The following APTX variants were observed in gnomAD, a reference collection of about 807,000 sequenced individuals.
The protein encoded by APTX is aprataxin.
A neutral mutation model predicts 42.3 loss-of-function variants in APTX; 33 were observed. The observed-to-expected ratio is 0.78, with a 90% confidence interval of 0.59 to 1.04. The LOEUF (loss-of-function observed/expected upper bound fraction) is 1.04. Ranked by LOEUF, APTX falls within the 50% of genes least tolerant of loss-of-function variation. APTX has a pLI of 0.00. For synonymous variants in APTX, 130 were observed against 146.7 expected, an observed-to-expected ratio of 0.89 and a Z score of 0.82; for missense variants, 421 against 415.1, an observed-to-expected ratio of 1.01 and a Z score of -0.12.
chr9:32,983,421 G>T (rs989684857), intron 6 of APTX, among the ~76,000 whole-genome samples: 1 of 152,178 alleles, frequency 6.6e-6, no homozygotes, highest in South Asian at 2.1e-4. Flanking sequence ...GACATCTTCT[G>T]TATCTTAATC....
intron 3 of APTX, 65 bp from the exon 4 acceptor site, chr9:32,987,911 C>T: frequency 6.3e-7 from 1 of 1,576,580 alleles, no homozygotes; most frequent in Non-Finnish European, 8.7e-7. Context: ...AAGATAGCCA[C>T]TGCTATGTTA....
Position 32,987,897 on chromosome 9 carries a change from C to T in APTX, c.181-51G>A, listed in dbSNP as rs751330784. 4.9e-5 allele frequency: 78 copies of T among 1,598,794 alleles called. 1 individual carries two copies. Among genetic ancestry groups the T allele is most frequent in the Non-Finnish European group, 6.2e-5 (73 of 1,170,436 alleles). On this transcript the variant is annotated intron_variant, in intron 3 of 7. Transcript: ENST00000379817. ...ATTATAATAATAGCAACAGCACCTACAGTAAGATAGCCACTGCTATGTTAA... is the reference window on the plus strand; with the variant it reads ...ATTATAATAATAGCAACAGCACCTATAGTAAGATAGCCACTGCTATGTTAA...
chr9:33,021,415 T>C (rs1430851006), intron 1 of APTX, among the ~76,000 whole-genome samples: 1 of 152,144 alleles, frequency 6.6e-6, no homozygotes, highest in Non-Finnish European at 1.5e-5. Context: ...GCCAGAAATA[T>C]TCCTAAGTTC....
Position 32,989,765 on chromosome 9 carries a change from G to C in APTX, c.127C>G (p.Gln43Glu). The C allele has an allele frequency of 1.2e-6, 2 of 1,614,208 alleles. No homozygotes were observed. The highest frequency in any genetic ancestry group is 3.3e-5 in the Admixed American group (2 of 60,028). Reference protein sequence around the residue: ...TKITDKKCSRQQVQLKAECNK... With the variant: ...TKITDKKCSREQVQLKAECNK... ...CATTTCTATGACCAGTTACCTTGCTGTCGAGAACATTTCTTATCAGTGATC... is the reference window on the plus strand; with the variant it reads ...CATTTCTATGACCAGTTACCTTGCTCTCGAGAACATTTCTTATCAGTGATC... Residue 43 changes from glutamine to glutamate, a missense_variant, in exon 2 of 8, where the codon CAG becomes GAG. By Grantham distance (29) the Gln-to-Glu change is conservative. Transcript: ENST00000379817.
intron 5 of APTX, among the ~76,000 whole-genome samples, chr9:32,985,766 T>C (rs1161993046): frequency 6.6e-6 from 1 of 152,158 alleles, no homozygotes; most frequent in South Asian, 2.1e-4. Flanking sequence ...GGATATTCAT[T>C]TGAAGAACTC....
rs375722171 is a variant in APTX at position 33,001,615 on chromosome 9, C to T, written c.-53G>A. 2 of 1,613,860 alleles carry T rather than the reference C, an allele frequency of 1.2e-6. No homozygotes were observed. The highest frequency in any genetic ancestry group is 1.7e-5 in the Admixed American group (1 of 60,010). ...ATTCACGTTACTCATCTGTGCCTCA[C>T]CGCTTCCGGCGCTGCGGGATGACGT... On this transcript the variant is annotated 5_prime_UTR_variant, in exon 1 of 8. In the 5' UTR this introduces an upstream ATG that the reference lacks. Transcript: ENST00000379817.
intron 1 of APTX, chr9:33,001,219 C>T: frequency 1.7e-6 from 2 of 1,180,808 alleles, no homozygotes; most frequent in Non-Finnish European, 2.2e-6. Context: ...GTGCCTTTCA[C>T]GAAGCATTTC....
Position 32,974,502 on chromosome 9 carries a change from T to G in APTX, c.830A>C (p.Lys277Thr). The part of the protein sequence containing the change: ...DFDSPCLKNK[K>T]HWNSFNTEYF... ...TTCTGTATTGAAAGAATTCCAATGT[T>G]TTTTGTTTTTAAGGCAAGGAGAATC... is the stretch of plus-strand genomic sequence containing the variant. The change falls in exon 7 of 8, where the codon AAA (lysine) becomes ACA (threonine). Residue 277 changes from lysine to threonine, a missense_variant. Physicochemically the swap from Lys to Thr is moderately conservative, Grantham distance 78. Coordinates refer to ENST00000379817, the MANE Select transcript of APTX (RefSeq NM_001195248.2). 2 of 1,612,402 alleles carry G rather than the reference T, an allele frequency of 1.2e-6. No individual in the cohort carries two copies. The highest frequency in any genetic ancestry group is 1.7e-6 in the Non-Finnish European group (2 of 1,179,016).
intron 4 of APTX, chr9:32,986,273 G>T (rs997834447): frequency 5.0e-6 from 3 of 599,536 alleles, no homozygotes; most frequent in Non-Finnish European, 9.2e-6. Context: ...GGAGTGCAGC[G>T]GCGTGATCAC....
At chr9:32,988,472 C>G (rs752321505) in intron 2 of APTX, among the ~76,000 whole-genome samples, 9 of 151,928 alleles carry the variant, frequency 5.9e-5, no homozygotes, top group Non-Finnish European at 1.3e-4. Flanking sequence ...AAAAGAAGAC[C>G]TGTTTCTCCC....
intron 6 of APTX, among the ~76,000 whole-genome samples, chr9:32,977,105 G>A (rs191603971): frequency 2.6e-5 from 4 of 151,956 alleles, no homozygotes; most frequent in South Asian, 4.1e-4. Flanking sequence ...GTTTTAAACC[G>A]TTAAAAAATA....
At chr9:32,982,371 A>G (rs1830875848) in intron 6 of APTX, among the ~76,000 whole-genome samples, 1 of 152,220 alleles carries the variant, frequency 6.6e-6, no homozygotes, top group Non-Finnish European at 1.5e-5. Flanking sequence ...ACAATACAGG[A>G]AAAATGGGTG....
At chr9:33,019,924 C>CG (rs1838234579) in intron 1 of APTX, 1 of 506,824 alleles carries the variant, frequency 2.0e-6, no homozygotes, top group Non-Finnish European at 3.6e-6. Flanking sequence ...CTAAGGGGGT[C>CG]GGGAAAGGCA....
chr9:33,016,669 TCCC>T (rs60192650), intron 1 of APTX, among the ~76,000 whole-genome samples: 18 of 147,738 alleles, frequency 1.2e-4, no homozygotes, highest in Admixed American at 2.0e-4. Context: ...TGCATTACAC[TCCC>T]CCCCCCATTT....
intron 1 of APTX, among the ~76,000 whole-genome samples, chr9:32,990,847 C>T (rs928385433): frequency 2.0e-5 from 3 of 152,118 alleles, no homozygotes; most frequent in Non-Finnish European, 2.9e-5. Flanking sequence ...CCTGTCATGA[C>T]ATACTGATGT....
intron 1 of APTX, among the ~76,000 whole-genome samples, chr9:32,992,749 G>A (rs1833928692): frequency 6.6e-6 from 1 of 152,226 alleles, no homozygotes; most frequent in Admixed American, 6.5e-5. Context: ...CTAGCATGGA[G>A]AAATCCAGAG....
chr9:32,990,706 G>A (rs1833398643), intron 1 of APTX, among the ~76,000 whole-genome samples: 1 of 152,162 alleles, frequency 6.6e-6, no homozygotes, highest in Non-Finnish European at 1.5e-5. Flanking sequence ...TATTTTAAAA[G>A]GCTTCACGAG....
chr9:32,997,059 G>A (rs1437744577), intron 1 of APTX, among the ~76,000 whole-genome samples: 1 of 152,198 alleles, frequency 6.6e-6, no homozygotes. Flanking sequence ...ACTACAATTT[G>A]AATTCCAAAG....
At chr9:33,006,636 T>C (rs1837164734) in intron 1 of APTX, among the ~76,000 whole-genome samples, 1 of 152,060 alleles carries the variant, frequency 6.6e-6, no homozygotes, top group African/African-American at 2.4e-5. Flanking sequence ...TTTTGGCATT[T>C]GGGGAAAGCT....
Sources: gnomAD v4.1 joint callset for allele counts (sites outside exome capture counted in the v4.1 genomes callset) on GRCh38, gnomAD v4.1.1 for gene constraint, MANE v1.5 for transcripts, NCBI Gene and HGNC (gene_info 2026-07-23, HGNC 2026-07-21) for gene names.